Variants in DMTF1 observed in about 807,000 individuals in gnomAD.
The protein encoded by DMTF1 is cyclin-D-binding Myb-like transcription factor 1.
Under a neutral mutation model 91.1 loss-of-function variants are expected in DMTF1, and 39 were observed. The observed-to-expected ratio is 0.43, with a 90% CI of 0.33 to 0.56. DMTF1 has a LOEUF of 0.56. Among genes scored for constraint, DMTF1 ranks in the 20% least tolerant of loss-of-function variants. The pLI is 0.05. For synonymous variants in DMTF1, 338 were observed against 309.5 expected (o/e 1.09, Z -0.97); for missense variants, 750 against 914.5 (o/e 0.82, Z 2.32).
intron 1 of DMTF1, among the ~76,000 whole-genome samples, chr7:87,156,950 A>T (rs1790893983): frequency 6.6e-6 from 1 of 152,134 alleles, no homozygotes; most frequent in South Asian, 2.1e-4. Context: ...TTCAAAATGT[A>T]AAGTAGTAAT....
intron 10 of DMTF1, among the ~76,000 whole-genome samples, chr7:87,182,745 G>A (rs558947863): frequency 6.6e-6 from 1 of 152,184 alleles, no homozygotes; most frequent in Non-Finnish European, 1.5e-5. Flanking sequence ...TTAGTCACAG[G>A]TAAGTCCCAA....
chr7:87,175,239 A>G (rs1265793915), intron 7 of DMTF1, among the ~76,000 whole-genome samples: 2 of 151,860 alleles, frequency 1.3e-5, no homozygotes, highest in African/African-American at 2.4e-5. Flanking sequence ...CAGGCTGGCC[A>G]CAAACTGCTG....
In DMTF1 at chr7:87,190,871, A is replaced by C. The variant is rs1026548621; in HGVS notation, c.1412-74A>C. 13 of 1,270,128 alleles carry C rather than the reference A, an allele frequency of 1.0e-5. No homozygotes were observed. In the African/African-American group the frequency reaches 1.4e-4, roughly 13 times the overall value. 78.7% of individuals were successfully genotyped at this position (1,270,128 alleles called of 1,614,324 possible). A position where few individuals can be genotyped will look rare whatever the true frequency, so the allele number is the denominator to read the frequency against. The stretch of plus-strand genomic sequence containing the variant: ...AATTGCCTTTATGATAATTGAGTAC[A>C]CTAGAGAAACTTAAATTAACAAAAC... On this transcript the variant is annotated intron_variant, in intron 13 of 17. Transcript: ENST00000331242.
rs1278157062 is a variant in DMTF1, at chr7:87,176,460, A to T, written c.519+1791A>T. ...CTAGGGGATTGAAGTAGATGATCTC[A>T]AGGACCCTTCCAAGTTAGTGATTAA... On this transcript the variant is annotated intron_variant, in intron 7 of 17. Transcript: ENST00000331242. Among the ~76,000 whole-genome samples, 7 of 152,316 alleles carry T rather than the reference A, an allele frequency of 4.6e-5. No homozygotes were observed. In the East Asian group the frequency reaches 1.3e-3, roughly 29 times the overall value.
At chr7:87,187,928 A>G (rs1798826828) in intron 12 of DMTF1, 164 bp from the exon 13 acceptor site, 2 of 594,884 alleles carry the variant, frequency 3.4e-6, no homozygotes, top group Admixed American at 3.0e-5. Context: ...AAATCTCAGG[A>G]TATGTTGTTT....
chr7:87,161,015 C>T (rs1196445885), intron 1 of DMTF1, among the ~76,000 whole-genome samples: 1 of 152,012 alleles, frequency 6.6e-6, no homozygotes, highest in African/African-American at 2.4e-5. Context: ...TTGACATCTT[C>T]ATTTAGATAC....
intron 1 of DMTF1, among the ~76,000 whole-genome samples, chr7:87,160,633 C>A (rs1792077468): frequency 6.6e-6 from 1 of 152,120 alleles, no homozygotes; most frequent in Non-Finnish European, 1.5e-5. Flanking sequence ...AAGGCTTCTG[C>A]CTCTACTACT....
At chr7:87,156,198 A>C (rs932630155) in intron 1 of DMTF1, among the ~76,000 whole-genome samples, 2 of 152,176 alleles carry the variant, frequency 1.3e-5, no homozygotes, top group Non-Finnish European at 2.9e-5. Flanking sequence ...ATGAAGTGAA[A>C]AATAACATTT....
At chr7:87,186,252 G>T in intron 12 of DMTF1, 1 of 381,696 alleles carries the variant, frequency 2.6e-6, no homozygotes, top group Non-Finnish European at 4.8e-6. Context: ...GCCACATAAC[G>T]ATTTAATTTT....
At position 87,193,937 on chromosome 7, in the gene DMTF1, G is replaced by A. The variant is rs1330684571; in HGVS notation, c.1863G>A (p.Met621Ile). 6 of 1,613,198 alleles carry A rather than the reference G, an allele frequency of 3.7e-6. No homozygotes were observed. The South Asian group carries it at 4.4e-5, about 12-fold the overall frequency. Residue 621 changes from methionine (M) to isoleucine (I), a missense_variant, in exon 16 of 18, where the codon ATG becomes ATA. This residue lies in a region of DMTF1 where 410 missense variants were observed against 420.2 expected (regional missense o/e 0.98). Transcript: ENST00000331242. ...TFPDEIHHPKMTVEPSFNDAH... is the reference protein window; with the variant it reads ...TFPDEIHHPKITVEPSFNDAH... ...CAGATGAAATTCATCACCCTAAGAT[G>A]ACTGTGGAGCCATCATTTAATGATG... is the stretch of plus-strand genomic sequence containing the variant.
chr7:87,186,097 A>G, intron 12 of DMTF1, 117 bp downstream of exon 12: 8 of 1,059,976 alleles, frequency 7.5e-6, no homozygotes, highest in Non-Finnish European at 8.4e-6. Context: ...ATTTCTACTT[A>G]CACCACTTCC....
At chr7:87,181,208 T>C in intron 8 of DMTF1, 101 bp from the exon 9 acceptor site, 1 of 613,798 alleles carries the variant, frequency 1.6e-6, no homozygotes, top group Non-Finnish European at 3.0e-6. Context: ...ATATGCTAAG[T>C]GACTTAACAT....
intron 9 of DMTF1, 161 bp from the exon 10 acceptor site, chr7:87,182,067 C>A (rs528066563): frequency 8.1e-5 from 124 of 1,536,100 alleles, no homozygotes; most frequent in Non-Finnish European, 1.1e-4. Flanking sequence ...CAACTGTGGA[C>A]CCCAAAAAAA....
intron 1 of DMTF1, among the ~76,000 whole-genome samples, chr7:87,162,537 G>A (rs138711176): frequency 0.011 from 1,648 of 152,232 alleles, 9 homozygotes; most frequent in South Asian, 0.026. Flanking sequence ...ATGAAAAATC[G>A]TTGGGAAGTT....
rs755749351 is a variant in DMTF1, at chr7:87,193,933, A to G, written c.1859A>G (p.Lys620Arg). The change falls in exon 16 of 18, where the codon AAG (lysine) becomes AGG (arginine). Residue 620 changes from lysine to arginine, a missense_variant. Transcript: ENST00000331242. Reference protein sequence around the residue: ...DTFPDEIHHPKMTVEPSFNDA... With the variant: ...DTFPDEIHHPRMTVEPSFNDA... ...TTCCCAGATGAAATTCATCACCCTA[A>G]GATGACTGTGGAGCCATCATTTAAT... 2 of 1,613,428 alleles carry G rather than the reference A, an allele frequency of 1.2e-6. No homozygotes were observed. Among genetic ancestry groups the G allele is most frequent in the Non-Finnish European group, 1.7e-6 (2 of 1,179,608 alleles).
chr7:87,170,914 G>GTT, intron 4 of DMTF1, 81 bp from the exon 5 acceptor site: 1 of 904,366 alleles, frequency 1.1e-6, no homozygotes, highest in Non-Finnish European at 1.8e-6. Flanking sequence ...AGATGATCAT[G>GTT]TTTTTTTTCC....
intron 10 of DMTF1, among the ~76,000 whole-genome samples, 170 bp from the exon 11 acceptor site, chr7:87,184,227 A>G (rs73206992): frequency 0.026 from 3,959 of 152,324 alleles, 79 homozygotes; most frequent in East Asian, 0.064. Context: ...TTACTGGGCT[A>G]GTAAAATGAA....
chr7:87,169,513 CT>C (rs1467439423), intron 4 of DMTF1, among the ~76,000 whole-genome samples: 1 of 152,130 alleles, frequency 6.6e-6, no homozygotes. Context: ...AATTTTCCTC[CT>C]TGCCTTTAGA....
chr7:87,193,997 A>T lies in DMTF1; in HGVS notation c.1923A>T (p.Thr641=). 6.2e-7 allele frequency: 1 copy of T among 1,613,372 alleles called. No homozygotes were observed. Among genetic ancestry groups the T allele is most frequent in the Non-Finnish European group, 8.5e-7 (1 of 1,179,588 alleles). The change falls in exon 16 of 18, where the codon ACA becomes ACT. Residue 641 remains threonine (T), a synonymous_variant. Coordinates refer to ENST00000331242, the MANE Select transcript of DMTF1 (RefSeq NM_001142327.2). The part of the protein sequence containing the change: ...HVSKFSDQNS[T]ELMNSVMVRT... ...CCAAATTCAGTGACCAAAATAGCAC[A>T]GAACTGATGAATAGTGTTATGGTCA... is the stretch of plus-strand genomic sequence containing the variant.
Sources: allele counts gnomAD v4.1 joint callset (sites outside exome capture counted in the v4.1 genomes callset), GRCh38; gene constraint gnomAD v4.1.1; regional missense constraint gnomAD v4.1.1; transcripts MANE v1.5; gene names NCBI Gene and HGNC (gene_info 2026-07-23, HGNC 2026-07-21).